The following CFAP46 variants were observed in gnomAD, a reference collection of about 807,000 sequenced individuals.
CFAP46 encodes the protein cilia and flagella associated protein 46.
CFAP46 carries 245 observed loss-of-function variants against 325.7 expected under a neutral mutation model. That is an observed-to-expected ratio of 0.75 (90% CI 0.68 to 0.84). The LOEUF (loss-of-function observed/expected upper bound fraction) is 0.84, where lower values mean the gene tolerates loss of function less well. CFAP46 is among the 40% of genes least tolerant of loss of function. The pLI, the probability that CFAP46 is intolerant of heterozygous loss-of-function variation, is 0.00. For synonymous variants in CFAP46, 1,523 were observed against 1,495.9 expected, an observed-to-expected ratio of 1.02 and a Z score of -0.42; for missense variants, 3,346 against 3,543.0, an observed-to-expected ratio of 0.94 and a Z score of 1.41.
rs1326839955 is a variant in CFAP46 at position 132,924,715 on chromosome 10, C to T, written c.1237G>A (p.Val413Met). ...CCCCACCTGTCCAGCTTCTCCAGCA[C>T]GTCCGCAACGCCAGCCAGGGGCTTC... ...LRKPLAGVAD[V>M]LEKLDSLMTL... Residue 413 changes from valine (V) to methionine (M), a missense_variant, in exon 11 of 58, where the codon GTG becomes ATG. Transcript: ENST00000368586. 1.2e-5 allele frequency: 19 copies of T among 1,536,668 alleles called. No homozygotes were observed. Among genetic ancestry groups the T allele is most frequent in the African/African-American group, 2.8e-5 (2 of 71,908 alleles).
At chr10:132,910,794 A>T (rs1323977790) in intron 19 of CFAP46, among the ~76,000 whole-genome samples, 21 of 152,032 alleles carry the variant, frequency 1.4e-4, no homozygotes, top group Admixed American at 1.4e-3. Context: ...CCTCCCCTCC[A>T]TCCTTCCTTC....
rs58501694 is a variant in CFAP46 at position 132,808,983 on chromosome 10, C to T, written c.7665-79G>A. The T allele has an allele frequency of 5.3e-3, 7,405 of 1,386,196 alleles. 250 individuals carry two copies. The African/African-American group carries it at 0.081, about 15-fold the overall frequency. The allele number at this position is 1,386,196 out of a possible 1,614,324, so 85.9% of individuals were successfully genotyped here. ...CCCGGTGAGGACCAGGGCACAGGGG[C>T]GGGAAGTGGCAGCTGCTCCAACTGA... On this transcript the variant is annotated intron_variant, in intron 57 of 57. Transcript: ENST00000368586. This position sits in a 1 kb window ranked among gnomAD's most constrained non-coding sequence, Gnocchi z 6.8.
intron 57 of CFAP46, among the ~76,000 whole-genome samples, chr10:132,809,726 C>T (rs541468857): frequency 1.3e-5 from 2 of 152,194 alleles, no homozygotes; most frequent in South Asian, 2.1e-4. Context: ...CCCGCCTCAC[C>T]GTGGCAGGAG....
intron 29 of CFAP46, among the ~76,000 whole-genome samples, chr10:132,878,329 G>A (rs947668295): frequency 1.3e-5 from 2 of 152,180 alleles, no homozygotes; most frequent in African/African-American, 2.4e-5. Context: ...TGGCTCCGCG[G>A]GTGTCCCTCA....
At position 132,899,008 on chromosome 10, in the gene CFAP46, G is replaced by A; in HGVS notation, c.3170C>T (p.Ala1057Val). The A allele has an allele frequency of 6.4e-7, 1 of 1,550,588 alleles. No individual in the cohort carries two copies. Among genetic ancestry groups the A allele is most frequent in the Non-Finnish European group, 8.7e-7 (1 of 1,146,986 alleles). Reference sequence around the variant, plus strand: ...GATGATGCCGATGAGCCTCTTCAGGGCACCCTTGGCCTTCTTCCTGTAGAC... The same window carrying A: ...GATGATGCCGATGAGCCTCTTCAGGACACCCTTGGCCTTCTTCCTGTAGAC... ...SAVYRKKAKG[A>V]LKRLIGIINK... is the part of the protein sequence containing the mutation. The change falls in exon 24 of 58, where the codon GCC becomes GTC. Residue 1057 changes from alanine (A) to valine (V), a missense_variant. Ala to Val is a moderately conservative substitution (Grantham distance 64). Coordinates refer to ENST00000368586, the MANE Select transcript of CFAP46 (RefSeq NM_001200049.3).
chr10:132,908,718 G>C, intron 21 of CFAP46, 84 bp from the exon 22 acceptor site: 2 of 1,422,084 alleles, frequency 1.4e-6, no homozygotes, highest in Non-Finnish European at 1.9e-6. Context: ...ACCACGCAGC[G>C]CATGTGATCC....
At chr10:132,851,078 G>C in intron 40 of CFAP46, 39 bp downstream of exon 40, 1 of 1,609,954 alleles carries the variant, frequency 6.2e-7, no homozygotes, top group Non-Finnish European at 8.5e-7. Context: ...CTGTGGCCTG[G>C]CGCTCCCTCC....
chr10:132,867,045 G>A (rs1463374897), intron 34 of CFAP46, among the ~76,000 whole-genome samples: 1 of 152,138 alleles, frequency 6.6e-6, no homozygotes, highest in African/African-American at 2.4e-5. Flanking sequence ...GGAATTCCAG[G>A]GCCCACGGGA....
chr10:132,835,237 G>T (rs1848220923), intron 47 of CFAP46, 67 bp downstream of exon 47: 3 of 1,583,740 alleles, frequency 1.9e-6, no homozygotes, highest in Non-Finnish European at 2.6e-6. Flanking sequence ...CCTCGCCAGG[G>T]TCCTGGCTCC....
rs1591083535 is a variant in CFAP46 at position 132,907,078 on chromosome 10, C to G, written c.2924+1390G>C. The stretch of plus-strand genomic sequence containing the variant: ...CCCACGGGTGTGGCCGACACAGGCC[C>G]TGGAGCCGTCCTGGTGTGCAGGGCT... On this transcript the variant is annotated intron_variant, in intron 22 of 57. Transcript: ENST00000368586. 2.0e-5 allele frequency among the ~76,000 whole-genome samples: 3 copies of G among 152,378 alleles called. No individual in the cohort carries two copies. The Middle Eastern group carries it at 0.01, about 518-fold the overall frequency.
rs749154272 is a variant in CFAP46, at chr10:132,913,041, C to T, written c.2333+5G>A. 3.0e-5 allele frequency: 46 copies of T among 1,549,162 alleles called. No individual in the cohort carries two copies. Among genetic ancestry groups the T allele is most frequent in the East Asian group, 4.9e-5 (2 of 40,934 alleles). Reference sequence around the variant, plus strand: ...CTGCGTGAACGCAGCACAGCCCACACGCACCCACTGTGGCCTGTGGCCTTA... The same window carrying T: ...CTGCGTGAACGCAGCACAGCCCACATGCACCCACTGTGGCCTGTGGCCTTA... On this transcript the variant is annotated splice_donor_5th_base_variant and intron_variant, in intron 18 of 57. Transcript: ENST00000368586.
In CFAP46 at chr10:132,834,059, T is replaced by C; in HGVS notation, c.6931A>G (p.Thr2311Ala). ...KSKGKDKERK[T>A]STGQHSTVQP... is the part of the protein sequence containing the mutation. ...CACTCACTGTGTTGTCCTGTGGACG[T>C]TTTCCTCTCCTTGTCTTTGCCCTTC... is the stretch of plus-strand genomic sequence containing the variant. The change falls in exon 49 of 58, where the codon ACG becomes GCG. Residue 2311 changes from threonine (T) to alanine (A), a missense_variant. Physicochemically the swap from Thr to Ala is moderately conservative, Grantham distance 58 (BLOSUM62 0). Transcript: ENST00000368586. 2 of 1,613,968 alleles carry C rather than the reference T, an allele frequency of 1.2e-6. No homozygotes were observed. The highest frequency in any genetic ancestry group is 1.7e-6 in the Non-Finnish European group (2 of 1,179,904).
Position 132,869,390 on chromosome 10 carries a change from GA to G in CFAP46, c.4512-19del. ...GGGCGAGGCTGTGGGGAGTGTGGCCGAAAGAGTCAGTGTTGCACGGGCGCAG... is the reference window on the plus strand; with the variant it reads ...GGGCGAGGCTGTGGGGAGTGTGGCCGAAGAGTCAGTGTTGCACGGGCGCAG... On this transcript the variant is annotated intron_variant, in intron 32 of 57. Coordinates refer to ENST00000368586, the MANE Select transcript of CFAP46 (RefSeq NM_001200049.3). This position sits in a 1 kb window ranked among gnomAD's most constrained non-coding sequence, Gnocchi z 6.2. 1 of 1,511,970 alleles carries G rather than the reference GA, an allele frequency of 6.6e-7. No homozygotes were observed. Among genetic ancestry groups the G allele is most frequent in the Non-Finnish European group, 8.9e-7 (1 of 1,128,830 alleles). The allele number at this position is 1,511,970 out of a possible 1,614,324, so 93.7% of individuals were successfully genotyped here.
At chr10:132,899,471 A>C in intron 23 of CFAP46, 64 bp downstream of exon 23, 2 of 1,473,368 alleles carry the variant, frequency 1.4e-6, no homozygotes, top group Non-Finnish European at 1.8e-6. Context: ...AGCCTTGGTG[A>C]GCACAGGGGT....
intron 17 of CFAP46, among the ~76,000 whole-genome samples, chr10:132,914,989 G>C (rs1253586948): frequency 6.6e-6 from 1 of 152,254 alleles, no homozygotes; most frequent in South Asian, 2.1e-4. Flanking sequence ...CCGAGCGCAG[G>C]GCAGTCAGCC....
At chr10:132,921,147 G>A (rs1591092151) in intron 13 of CFAP46, among the ~76,000 whole-genome samples, 1 of 151,788 alleles carries the variant, frequency 6.6e-6, no homozygotes, top group African/African-American at 2.4e-5. Context: ...CTCCACTCCC[G>A]ACCACCATCT....
chr10:132,912,304 T>TCC, intron 19 of CFAP46, among the ~76,000 whole-genome samples: 7 of 93,094 alleles, frequency 7.5e-5, no homozygotes, highest in African/African-American at 3.9e-4. Flanking sequence ...CTCTCCTCTC[T>TCC]TTCTCCTGTC....
chr10:132,938,836 CGGAGCCCCTCCCAGGAG>C, intron 4 of CFAP46, 83 bp from the exon 5 acceptor site: 1 of 1,377,284 alleles, frequency 7.3e-7, no homozygotes, highest in South Asian at 1.3e-5. Flanking sequence ...GCTGTGTCTC[CGGAGCCCCTCCCAGGAG>C]GGGCCTCAGG....
rs74484284 is a variant in CFAP46, at chr10:132,843,929, A to G, written c.6438+2128T>C. ...GCTGCTCCTGGTGGGTGTTCCCAGG[A>G]TGCTGTAAGGCTCTGGTCTCAGTGG... On this transcript the variant is annotated intron_variant, in intron 44 of 57. Coordinates refer to ENST00000368586, the MANE Select transcript of CFAP46 (RefSeq NM_001200049.3). Among the ~76,000 whole-genome samples the G allele has an allele frequency of 6.5e-3, 349 of 53,968 alleles. 1 individual carries two copies. Among genetic ancestry groups the G allele is most frequent in the Admixed American group, 0.021 (83 of 4,014 alleles). 35.4% of individuals were successfully genotyped at this position (53,968 alleles called of 152,430 possible). A position where few individuals can be genotyped will look rare whatever the true frequency, so the allele number is the denominator to read the frequency against.
Sources: allele counts gnomAD v4.1 joint callset (sites outside exome capture counted in the v4.1 genomes callset), GRCh38; gene constraint gnomAD v4.1.1; non-coding constraint Gnocchi (gnomAD v3.1); transcripts MANE v1.5; gene names NCBI Gene and HGNC (gene_info 2026-07-23, HGNC 2026-07-21).